The following MAB21L3 variants were observed in gnomAD, a reference collection of about 807,000 sequenced individuals.
The protein encoded by MAB21L3 is mab-21 like 3.
A neutral mutation model predicts 37.7 loss-of-function variants in MAB21L3; 36 were observed. The ratio of observed to expected loss-of-function variants is 0.96; its 90% confidence interval spans 0.73 to 1.26. The LOEUF is 1.26. MAB21L3 is among the 50% of genes most tolerant of loss of function. MAB21L3 has a pLI of 0.00. For missense variants in MAB21L3, 430 were observed against 447.3 expected, an observed-to-expected ratio of 0.96 and a Z score of 0.35; for synonymous variants, 186 against 176.8, an observed-to-expected ratio of 1.05 and a Z score of -0.41.
chr1:116,129,759 G>A (rs1660015904), intron 7 of MAB21L3, among the ~76,000 whole-genome samples: 1 of 152,202 alleles, frequency 6.6e-6, no homozygotes, highest in Non-Finnish European at 1.5e-5. Flanking sequence ...TGAATGAGTG[G>A]CTTCACATCT....
Position 116,133,150 on chromosome 1 carries a change from T to C in MAB21L3, c.874T>C (p.Cys292Arg). 1 of 1,614,198 alleles carries C rather than the reference T, an allele frequency of 6.2e-7. No homozygotes were observed. The highest frequency in any genetic ancestry group is 8.5e-7 in the Non-Finnish European group (1 of 1,180,014). The change falls in exon 8 of 8, where the codon TGC becomes CGC. Residue 292 changes from cysteine (C) to arginine (R), a missense_variant. Coordinates refer to ENST00000369500, the MANE Select transcript of MAB21L3 (RefSeq NM_152367.3). ...TCCACAGACTGTGCTCTTTTGGACC[T>C]GCGAGAAATATCCCCACTTTAAAGA... ...HHLQTVLFWT[C>R]EKYPHFKDWQ...
At chr1:116,120,206 A>G (rs1364135133) in intron 3 of MAB21L3, among the ~76,000 whole-genome samples, 1 of 152,054 alleles carries the variant, frequency 6.6e-6, no homozygotes, top group African/African-American at 2.4e-5. Context: ...CTAGCCTTAG[A>G]GCATTGCCTA....
chr1:116,127,858 G>A (rs1659953549), intron 6 of MAB21L3, among the ~76,000 whole-genome samples: 1 of 152,226 alleles, frequency 6.6e-6, no homozygotes, highest in Non-Finnish European at 1.5e-5. Flanking sequence ...ATGAGACCCT[G>A]TGAACAGGGC....
At chr1:116,119,404 T>C (rs1410156484) in intron 3 of MAB21L3, among the ~76,000 whole-genome samples, 3 of 152,100 alleles carry the variant, frequency 2.0e-5, no homozygotes, top group Non-Finnish European at 2.9e-5. Context: ...ATGAGAAGTA[T>C]GAGTGAGGTC....
chr1:116,131,068 C>T (rs1189140041), intron 7 of MAB21L3, among the ~76,000 whole-genome samples: 4 of 152,180 alleles, frequency 2.6e-5, no homozygotes, highest in African/African-American at 7.2e-5. Flanking sequence ...TTAACTTCCT[C>T]TCATGGGCTA....
At chr1:116,114,417 C>T (rs2101607312) in intron 3 of MAB21L3, among the ~76,000 whole-genome samples, 1 of 152,322 alleles carries the variant, frequency 6.6e-6, no homozygotes, top group South Asian at 2.1e-4. Flanking sequence ...ATATTGCCTC[C>T]ATTTTTAGAG....
chr1:116,114,063 C>T (rs997076549), intron 3 of MAB21L3, among the ~76,000 whole-genome samples: 4 of 152,174 alleles, frequency 2.6e-5, no homozygotes, highest in Admixed American at 2.6e-4. Flanking sequence ...GAAAGAGTCC[C>T]TGACACCCCA....
In MAB21L3 at chr1:116,124,328, A is replaced by AT. The variant is rs1659835549; in HGVS notation, c.452_453insT (p.Glu151AspfsTer5). On this transcript the variant is annotated frameshift_variant, in exon 5 of 8. Transcript: ENST00000369500. LOFTEE classifies it high-confidence loss of function. ...CTCCTAGTGTTCCGGAAGCTGGTGGAAAATGCAGTTAGAACCTGTCACCTC... is the reference window on the plus strand; with the variant it reads ...CTCCTAGTGTTCCGGAAGCTGGTGGATAAATGCAGTTAGAACCTGTCACCTC... 1.2e-6 allele frequency: 2 copies of AT among 1,613,666 alleles called. No homozygotes were observed. The highest frequency in any genetic ancestry group is 2.2e-5 in the East Asian group (1 of 44,902).
chr1:116,112,515 C>A lies in MAB21L3; in HGVS notation c.-101C>A, dbSNP rs1659450033. 1 of 1,044,974 alleles carries A rather than the reference C, an allele frequency of 9.6e-7. No homozygotes were observed. The highest frequency in any genetic ancestry group is 1.6e-5 in the African/African-American group (1 of 62,592). 64.7% of individuals were successfully genotyped at this position (1,044,974 alleles called of 1,614,324 possible). ...CAGAAAAACTTAGTACCCAGAGACTCACATTACTGGGAGTGCTATCTACTC... is the reference window on the plus strand; with the variant it reads ...CAGAAAAACTTAGTACCCAGAGACTAACATTACTGGGAGTGCTATCTACTC... On this transcript the variant is annotated 5_prime_UTR_variant, in exon 3 of 8. Coordinates refer to ENST00000369500, the MANE Select transcript of MAB21L3 (RefSeq NM_152367.3).
chr1:116,125,641 C>A (rs1452569894), intron 5 of MAB21L3, among the ~76,000 whole-genome samples: 1 of 145,760 alleles, frequency 6.9e-6, no homozygotes, highest in East Asian at 1.9e-4. Flanking sequence ...TTTGTCTAGA[C>A]AGAATAGTTC....
Position 116,114,572 on chromosome 1 carries a change from T to C in MAB21L3, c.48+1909T>C, listed in dbSNP as rs116935122. Among the ~76,000 whole-genome samples the C allele has an allele frequency of 8.9e-4, 136 of 152,308 alleles. No homozygotes were observed. In the East Asian group the frequency reaches 0.012, roughly 13 times the overall value. ...ACTCCTCTATATCTCTGCAAACACATACTAAGCACCTGCTTTGTGCAAAAT... is the reference window on the plus strand; with the variant it reads ...ACTCCTCTATATCTCTGCAAACACACACTAAGCACCTGCTTTGTGCAAAAT... On this transcript the variant is annotated intron_variant, in intron 3 of 7. Transcript: ENST00000369500.
chr1:116,117,170 T>C (rs1241389555), intron 3 of MAB21L3, among the ~76,000 whole-genome samples: 1 of 142,792 alleles, frequency 7.0e-6, no homozygotes, highest in African/African-American at 2.6e-5. Context: ...TACATATATA[T>C]ATATATATAT....
intron 5 of MAB21L3, 23 bp from the exon 6 acceptor site, chr1:116,127,443 T>A (rs1412881175): frequency 6.2e-7 from 1 of 1,607,178 alleles, no homozygotes; most frequent in East Asian, 2.2e-5. Flanking sequence ...CTTCTCCTTA[T>A]CCATTTGGTC....
rs1659430600 is a variant in MAB21L3, at chr1:116,111,800, AAGGTCAGC to A, written c.-215_-210+2del. On this transcript the variant is annotated splice_region_variant and 5_prime_UTR_variant, in exon 2 of 8. Transcript: ENST00000369500. ...AGTTGGAAGAGGGAAATTACGTTTA[AAGGTCAGC>A]AGGTGAGCAGAAGGATTCCTGACCA... 6.6e-6 allele frequency: 1 copy of A among 152,284 alleles called. No homozygotes were observed. The highest frequency in any genetic ancestry group is 2.4e-5 in the African/African-American group (1 of 41,438). The allele number at this position is 152,284 out of a possible 1,614,324, so 9.4% of individuals were successfully genotyped here.
intron 3 of MAB21L3, among the ~76,000 whole-genome samples, chr1:116,120,404 C>CAA (rs1156358286): frequency 2.7e-5 from 3 of 109,386 alleles, no homozygotes; most frequent in African/African-American, 1.6e-4. Context: ...TTACATTATA[C>CAA]ACACACACAC....
intron 3 of MAB21L3, among the ~76,000 whole-genome samples, chr1:116,116,486 T>G (rs1012263866): frequency 1.3e-5 from 2 of 152,176 alleles, no homozygotes; most frequent in African/African-American, 4.8e-5. Context: ...CATGGAGACC[T>G]AGGACTCCTT....
In MAB21L3 at chr1:116,134,790, C is replaced by T. The variant is rs965654747; in HGVS notation, c.*1425C>T. 2.0e-5 allele frequency: 3 copies of T among 151,544 alleles called. No individual in the cohort carries two copies. Among genetic ancestry groups the T allele is most frequent in the African/African-American group, 7.3e-5 (3 of 41,210 alleles). 9.4% of individuals were successfully genotyped at this position (151,544 alleles called of 1,614,324 possible). On this transcript the variant is annotated 3_prime_UTR_variant, in exon 8 of 8. Coordinates refer to ENST00000369500, the MANE Select transcript of MAB21L3 (RefSeq NM_152367.3). ...ACAGAGGCCCACAAGGCAACATATTCTGTGTGGCACAACCGATCAGGAATT... is the reference window on the plus strand; with the variant it reads ...ACAGAGGCCCACAAGGCAACATATTTTGTGTGGCACAACCGATCAGGAATT...
rs1315581274 is a variant in MAB21L3, at chr1:116,136,335, C to T, written c.*2970C>T. ...CACAAGCATTCTTATACACCAATAA[C>T]AGACAGAGAGCCAAATCATGAGTGA... is the stretch of plus-strand genomic sequence containing the variant. On this transcript the variant is annotated 3_prime_UTR_variant, in exon 8 of 8. Coordinates refer to ENST00000369500, the MANE Select transcript of MAB21L3 (RefSeq NM_152367.3). Among the ~76,000 whole-genome samples, 9 of 150,130 alleles carry T rather than the reference C, an allele frequency of 6.0e-5. No homozygotes were observed. Among genetic ancestry groups the T allele is most frequent in the Admixed American group, 1.3e-4 (2 of 14,954 alleles).
At chr1:116,121,578 T>A (rs368623498) in intron 4 of MAB21L3, among the ~76,000 whole-genome samples, 2 of 152,002 alleles carry the variant, frequency 1.3e-5, no homozygotes, top group African/African-American at 4.8e-5. Flanking sequence ...CTTAATAGAT[T>A]GGGGGTGGGG....
Sources: gnomAD v4.1 joint callset for allele counts (sites outside exome capture counted in the v4.1 genomes callset) on GRCh38, gnomAD v4.1.1 for gene constraint, MANE v1.5 for transcripts, NCBI Gene and HGNC (gene_info 2026-07-23, HGNC 2026-07-21) for gene names.